The following CSMD1 variants were observed in gnomAD, a reference collection of about 807,000 sequenced individuals.
CSMD1 encodes CUB and Sushi multiple domains 1, also known as CUB and sushi domain-containing protein 1.
Under a neutral mutation model 417.5 loss-of-function variants are expected in CSMD1, and 213 were observed. The observed-to-expected ratio is 0.51, with a 90% CI of 0.46 to 0.57. The LOEUF is 0.57. Among genes scored for constraint, CSMD1 ranks in the 20% least tolerant of loss-of-function variants. CSMD1 has a pLI of 0.00. For missense variants in CSMD1, 6,923 were observed against 4,529.7 expected (o/e 1.53, Z -15.17); for synonymous variants, 2,862 against 1,736.8 (o/e 1.65, Z -16.11).
chr8:3,275,563 C>T (rs112071114), intron 26 of CSMD1, among the ~76,000 whole-genome samples: 24 of 152,272 alleles, frequency 1.6e-4, no homozygotes, highest in South Asian at 6.2e-4. Context: ...CTTTCAGGTA[C>T]GACAATCAGA....
At chr8:4,288,214 C>T (rs904230466) in intron 3 of CSMD1, among the ~76,000 whole-genome samples, 2 of 152,112 alleles carry the variant, frequency 1.3e-5, no homozygotes, top group Admixed American at 6.6e-5. Flanking sequence ...ATGGATTCGT[C>T]CACTCAGGGC....
chr8:3,013,684 G>A (rs1808591937), intron 52 of CSMD1, among the ~76,000 whole-genome samples: 1 of 151,752 alleles, frequency 6.6e-6, no homozygotes, highest in Non-Finnish European at 1.5e-5. Context: ...CCCAGGAGGT[G>A]GAGGTTGCAG....
At chr8:4,323,229 T>A (rs1218369678) in intron 3 of CSMD1, among the ~76,000 whole-genome samples, 2 of 152,196 alleles carry the variant, frequency 1.3e-5, no homozygotes, top group Non-Finnish European at 2.9e-5. Flanking sequence ...GTAAGAGAAG[T>A]TAGGCATTAT....
intron 3 of CSMD1, among the ~76,000 whole-genome samples, chr8:4,355,059 G>A (rs957240193): frequency 6.6e-6 from 1 of 151,828 alleles, no homozygotes; most frequent in African/African-American, 2.4e-5. Context: ...TCAGGAGATC[G>A]AGACCATCCT....
At chr8:4,157,176 G>C (rs1796880979) in intron 3 of CSMD1, among the ~76,000 whole-genome samples, 1 of 152,086 alleles carries the variant, frequency 6.6e-6, no homozygotes, top group Non-Finnish European at 1.5e-5. Flanking sequence ...AGAAGATTTT[G>C]GGACAAGTGA....
At chr8:4,044,101 T>C (rs538801367) in intron 3 of CSMD1, among the ~76,000 whole-genome samples, 84 of 152,250 alleles carry the variant, frequency 5.5e-4, no homozygotes, top group African/African-American at 1.9e-3. Context: ...TGTGATATTA[T>C]TTGATATGAT....
intron 3 of CSMD1, among the ~76,000 whole-genome samples, chr8:4,269,181 C>T (rs541673936): frequency 6.6e-6 from 1 of 152,090 alleles, no homozygotes; most frequent in Non-Finnish European, 1.5e-5. Context: ...CTCAGCCCTC[C>T]TAGTAGCTGG....
intron 4 of CSMD1, among the ~76,000 whole-genome samples, chr8:4,030,757 A>G (rs1797300948): frequency 6.6e-6 from 1 of 152,158 alleles, no homozygotes; most frequent in Non-Finnish European, 1.5e-5. Context: ...ACATTGTCAG[A>G]CTGCAAAGTT....
intron 1 of CSMD1, among the ~76,000 whole-genome samples, chr8:4,717,408 T>C (rs762931090): frequency 2.7e-5 from 4 of 145,594 alleles, no homozygotes; most frequent in Non-Finnish European, 4.5e-5. Context: ...TATACATATA[T>C]ACACACACAC....
chr8:3,410,184 C>T (rs897493778), intron 12 of CSMD1, among the ~76,000 whole-genome samples: 1 of 152,170 alleles, frequency 6.6e-6, no homozygotes, highest in Non-Finnish European at 1.5e-5. Flanking sequence ...ATACACCAAA[C>T]CTATATTTCA....
intron 12 of CSMD1, among the ~76,000 whole-genome samples, chr8:3,458,953 C>G (rs7464854): frequency 6.6e-6 from 1 of 152,080 alleles, no homozygotes; most frequent in Non-Finnish European, 1.5e-5. Context: ...TCCCAGTGAG[C>G]TGTCCAGGAG....
intron 1 of CSMD1, among the ~76,000 whole-genome samples, chr8:4,925,799 G>T (rs552861465): frequency 2.6e-5 from 4 of 151,964 alleles, no homozygotes; most frequent in Non-Finnish European, 5.9e-5. Flanking sequence ...CGCCCTCCTC[G>T]GCCTCCCAAA....
chr8:3,052,888 C>G (rs1158874419), intron 49 of CSMD1, among the ~76,000 whole-genome samples: 2 of 151,012 alleles, frequency 1.3e-5, no homozygotes, highest in Non-Finnish European at 2.9e-5. Flanking sequence ...TTCAAGTGAT[C>G]AAGTGATTCT....
chr8:4,654,703 A>G (rs1303096602), intron 1 of CSMD1, among the ~76,000 whole-genome samples: 3 of 152,156 alleles, frequency 2.0e-5, no homozygotes, highest in African/African-American at 7.3e-5. Context: ...CACCTGTGGA[A>G]GAGGTGTCTT....
intron 1 of CSMD1, among the ~76,000 whole-genome samples, chr8:4,887,838 G>A (rs571842781): frequency 2.2e-4 from 34 of 151,874 alleles, no homozygotes; most frequent in Non-Finnish European, 4.0e-4. Context: ...AGCAGTGTTC[G>A]TACAGCCACT....
chr8:3,107,262 T>C (rs1182665149), intron 45 of CSMD1: 1 of 157,112 alleles, frequency 6.4e-6, no homozygotes, highest in Non-Finnish European at 1.4e-5. Flanking sequence ...CTAAATATCA[T>C]CACTAAATAT....
intron 12 of CSMD1, among the ~76,000 whole-genome samples, chr8:3,421,074 C>G (rs960611500): frequency 6.6e-6 from 1 of 151,962 alleles, no homozygotes. Context: ...TAACTGAAGA[C>G]GAAGCTTCAT....
chr8:4,787,619 A>G (rs1354270983), intron 1 of CSMD1: 4 of 1,566,580 alleles, frequency 2.6e-6, no homozygotes, highest in East Asian at 2.2e-5. Context: ...TTGCAGAAGA[A>G]TAGCAACTGG....
At chr8:4,316,119 C>CGAGGG (rs1798913177) in intron 3 of CSMD1, among the ~76,000 whole-genome samples, 1 of 152,100 alleles carries the variant, frequency 6.6e-6, no homozygotes, top group African/African-American at 2.4e-5. Context: ...TGTTAACCCT[C>CGAGGG]TTAACCATTC....
Sources: gnomAD v4.1 joint callset for allele counts (sites outside exome capture counted in the v4.1 genomes callset) on GRCh38, gnomAD v4.1.1 for gene constraint, MANE v1.5 for transcripts, NCBI Gene and HGNC (gene_info 2026-07-23, HGNC 2026-07-21) for gene names.